Variants in SLC6A11 observed in about 807,000 individuals in gnomAD.
SLC6A11 encodes sodium- and chloride-dependent GABA transporter 3.
A neutral mutation model predicts 74.8 loss-of-function variants in SLC6A11; 25 were observed. The ratio of observed to expected loss-of-function variants is 0.33; its 90% CI spans 0.24 to 0.47. The LOEUF (loss-of-function observed/expected upper bound fraction) is 0.47, where lower values mean the gene tolerates loss of function less well. SLC6A11 is among the 20% of genes least tolerant of loss of function. SLC6A11 has a pLI of 1.00. For synonymous variants in SLC6A11, 330 were observed against 330.2 expected, an observed-to-expected ratio of 1.00 and a Z score of 0.01; for missense variants, 574 against 837.0, an observed-to-expected ratio of 0.69 and a Z score of 3.88.
chr3:10,852,960 A>G (rs1694594571), intron 5 of SLC6A11, among the ~76,000 whole-genome samples: 1 of 152,120 alleles, frequency 6.6e-6, no homozygotes, highest in Non-Finnish European at 1.5e-5. Flanking sequence ...AATGAGCAGG[A>G]GCTGGGAGTC....
At chr3:10,853,071 A>G (rs1433194072) in intron 5 of SLC6A11, among the ~76,000 whole-genome samples, 1 of 152,154 alleles carries the variant, frequency 6.6e-6, no homozygotes, top group East Asian at 1.9e-4. Flanking sequence ...GTCAGGGTTA[A>G]AGCATGACAC....
At chr3:10,820,278 G>A (rs922696815) in intron 3 of SLC6A11, among the ~76,000 whole-genome samples, 3 of 152,186 alleles carry the variant, frequency 2.0e-5, no homozygotes, top group Admixed American at 6.5e-5. Context: ...GGACCTACAG[G>A]CCAACCAGGC....
chr3:10,938,521 A>C lies in SLC6A11; in HGVS notation c.*119A>C. 1 of 1,116,830 alleles carries C rather than the reference A, an allele frequency of 9.0e-7. No homozygotes were observed. Among genetic ancestry groups the C allele is most frequent in the Non-Finnish European group, 1.2e-6 (1 of 800,394 alleles). The allele number at this position is 1,116,830 out of a possible 1,614,324, so 69.2% of individuals were successfully genotyped here. ...TTGCTTGTTTTGCACAGGATTAATT[A>C]ACAAGTTAATTTTAAGGTGGCCACT... On this transcript the variant is annotated 3_prime_UTR_variant, in exon 14 of 14. Coordinates refer to ENST00000254488, the MANE Select transcript of SLC6A11 (RefSeq NM_014229.3).
At chr3:10,867,385 G>A (rs1694778703) in intron 5 of SLC6A11, among the ~76,000 whole-genome samples, 2 of 152,166 alleles carry the variant, frequency 1.3e-5, no homozygotes, top group Admixed American at 6.5e-5. Context: ...GCCTAGGCTC[G>A]GAGGAATTTT....
intron 10 of SLC6A11, among the ~76,000 whole-genome samples, chr3:10,932,723 A>G (rs1695707440): frequency 6.6e-6 from 1 of 152,008 alleles, no homozygotes; most frequent in Non-Finnish European, 1.5e-5. Context: ...TTAAACTACC[A>G]CGTGTTTGGT....
intron 6 of SLC6A11, among the ~76,000 whole-genome samples, chr3:10,904,139 G>A (rs1050242238): frequency 2.6e-5 from 4 of 152,240 alleles, no homozygotes; most frequent in Admixed American, 2.0e-4. Flanking sequence ...CGTGTGCTGA[G>A]TATCCATCAT....
At position 10,816,321 on chromosome 3, in the gene SLC6A11, G is replaced by T; in HGVS notation, c.56G>T (p.Arg19Leu). The change falls in exon 1 of 14, where the codon CGG becomes CTG. Residue 19 changes from arginine to leucine, a missense_variant. Arg to Leu is a moderately radical substitution (Grantham distance 102, BLOSUM62 -2). Transcript: ENST00000254488. This position sits in a 1 kb window ranked among gnomAD's most constrained non-coding sequence, Gnocchi z 4.2. ...LGNGKAAEEA[R>L]ESEAPGGGCS... Reference sequence around the variant, plus strand: ...AATGGGAAGGCTGCTGAGGAGGCGCGGGAGTCCGAGGCGCCGGGTGGCGGC... The same window carrying T: ...AATGGGAAGGCTGCTGAGGAGGCGCTGGAGTCCGAGGCGCCGGGTGGCGGC... The T allele has an allele frequency of 7.1e-7, 1 of 1,410,694 alleles. No individual in the cohort carries two copies. Among genetic ancestry groups the T allele is most frequent in the Admixed American group, 3.5e-5 (1 of 28,876 alleles). 87.4% of individuals were successfully genotyped at this position (1,410,694 alleles called of 1,614,324 possible). A position where few individuals can be genotyped will look rare whatever the true frequency, so the allele number is the denominator to read the frequency against.
intron 6 of SLC6A11, among the ~76,000 whole-genome samples, chr3:10,886,920 T>A (rs895562690): frequency 6.6e-6 from 1 of 152,220 alleles, no homozygotes; most frequent in Non-Finnish European, 1.5e-5. Flanking sequence ...TATTTGTTGA[T>A]GTGTTCATTG....
chr3:10,823,160 T>A, intron 3 of SLC6A11, 142 bp from the exon 4 acceptor site: 1 of 640,370 alleles, frequency 1.6e-6, no homozygotes, highest in Non-Finnish European at 2.9e-6. Flanking sequence ...AAGTATTGAT[T>A]TTCCCCACTG....
Position 10,873,689 on chromosome 3 carries a change from C to CATCCCATCCTATCCT in SLC6A11, c.757-1268_757-1267insCATCCTATCCTATCC, listed in dbSNP as rs1694867961. On this transcript the variant is annotated intron_variant, in intron 5 of 13. Coordinates refer to ENST00000254488, the MANE Select transcript of SLC6A11 (RefSeq NM_014229.3). Reference sequence around the variant, plus strand: ...TATCCTATCCTATCCTATCCCGTCCCATCCTATCCTATCCTATCCTATCCT... The same window carrying CATCCCATCCTATCCT: ...TATCCTATCCTATCCTATCCCGTCCCATCCCATCCTATCCTATCCTATCCTATCCTATCCTATCCT... 1.8e-4 allele frequency among the ~76,000 whole-genome samples: 24 copies of CATCCCATCCTATCCT among 134,724 alleles called. No homozygotes were observed. The South Asian group carries it at 5.6e-3, about 31-fold the overall frequency. The allele number at this position is 134,724 out of a possible 152,430, so 88.4% of individuals were successfully genotyped here. A position where few individuals can be genotyped will look rare whatever the true frequency, so the allele number is the denominator to read the frequency against.
intron 4 of SLC6A11, among the ~76,000 whole-genome samples, chr3:10,836,332 A>G (rs894446292): frequency 2.0e-5 from 3 of 152,244 alleles, no homozygotes; most frequent in African/African-American, 7.2e-5. Context: ...ACATTTGTGC[A>G]CACATTTTTG....
intron 5 of SLC6A11, among the ~76,000 whole-genome samples, chr3:10,845,166 A>G (rs1281690874): frequency 2.0e-5 from 3 of 152,200 alleles, no homozygotes; most frequent in South Asian, 2.1e-4. Flanking sequence ...AGGAGATTTC[A>G]TGTGGTAAAA....
At chr3:10,905,201 C>T (rs1695287657) in intron 6 of SLC6A11, among the ~76,000 whole-genome samples, 1 of 152,198 alleles carries the variant, frequency 6.6e-6, no homozygotes. Context: ...ATGCTGTGTT[C>T]ATGTCATTTA....
intron 5 of SLC6A11, among the ~76,000 whole-genome samples, chr3:10,869,833 A>C (rs1285094971): frequency 1.3e-5 from 2 of 152,134 alleles, no homozygotes; most frequent in African/African-American, 4.8e-5. Context: ...AGTGACCAAG[A>C]AGAAAGGTGA....
At chr3:10,835,708 T>C (rs539759627) in intron 4 of SLC6A11, among the ~76,000 whole-genome samples, 12 of 152,286 alleles carry the variant, frequency 7.9e-5, no homozygotes, top group African/African-American at 2.9e-4. Context: ...AGGTAGCTAT[T>C]TCTGTGGAGC....
At chr3:10,864,189 GA>G (rs1251029817) in intron 5 of SLC6A11, among the ~76,000 whole-genome samples, 2 of 151,880 alleles carry the variant, frequency 1.3e-5, no homozygotes, top group Non-Finnish European at 2.9e-5. Context: ...CTCAGGACTG[GA>G]ATGAGCCATG....
intron 6 of SLC6A11, among the ~76,000 whole-genome samples, chr3:10,909,982 C>G (rs896030624): frequency 1.3e-5 from 2 of 152,232 alleles, no homozygotes; most frequent in African/African-American, 2.4e-5. Context: ...TCATACCCCC[C>G]ACACATCGAA....
At position 10,844,198 on chromosome 3, in the gene SLC6A11, A is replaced by G; in HGVS notation, c.624-16A>G. ...CCAGCCCCAGCCCCAGTGACTCTCC[A>G]CCCTCCCTTCTGCAGGCACCGGGTC... On this transcript the variant is annotated splice_polypyrimidine_tract_variant and intron_variant, in intron 4 of 13. Coordinates refer to ENST00000254488, the MANE Select transcript of SLC6A11 (RefSeq NM_014229.3). 1 of 1,613,766 alleles carries G rather than the reference A, an allele frequency of 6.2e-7. No individual in the cohort carries two copies. The highest frequency in any genetic ancestry group is 8.5e-7 in the Non-Finnish European group (1 of 1,179,940).
rs142093574 is a variant in SLC6A11, at chr3:10,887,398, A to G, written c.891+12303A>G. 6.1e-3 allele frequency among the ~76,000 whole-genome samples: 931 copies of G among 152,278 alleles called. 8 individuals carry two copies. Among genetic ancestry groups the G allele is most frequent in the Non-Finnish European group, 9.5e-3 (647 of 68,008 alleles). ...TAGACAATCAGAGAAGAACAACATT[A>G]TTTTCAGTCACATGTCCTGGAAAAG... On this transcript the variant is annotated intron_variant, in intron 6 of 13. Transcript: ENST00000254488.
Sources: gnomAD v4.1 joint callset for allele counts (sites outside exome capture counted in the v4.1 genomes callset) on GRCh38, gnomAD v4.1.1 for gene constraint, Gnocchi (gnomAD v3.1) non-coding constraint, MANE v1.5 for transcripts, NCBI Gene and HGNC (gene_info 2026-07-23, HGNC 2026-07-21) for gene names.